CHRM3: variants seen among roughly 807,000 people sequenced by gnomAD.
The protein encoded by CHRM3 is cholinergic receptor muscarinic 3.
CHRM3 carries 11 observed loss-of-function variants against 41.8 expected under a neutral mutation model. That is an observed-to-expected ratio of 0.26 (90% CI 0.17 to 0.44). CHRM3 has a LOEUF of 0.44. CHRM3 is among the 20% of genes least tolerant of loss of function. The pLI, the probability that CHRM3 is intolerant of heterozygous loss-of-function variation, is 1.00. For synonymous variants in CHRM3, 297 were observed against 301.4 expected (o/e 0.99, Z 0.15); for missense variants, 571 against 745.4 (o/e 0.77, Z 2.72).
intron 5 of CHRM3, among the ~76,000 whole-genome samples, chr1:239,755,546 C>T (rs1396355995): frequency 6.6e-6 from 1 of 152,102 alleles, no homozygotes; most frequent in Non-Finnish European, 1.5e-5. Context: ...TTCAGATTGA[C>T]CACAAAAGGA....
chr1:239,826,310 G>A (rs1379401302), intron 5 of CHRM3, among the ~76,000 whole-genome samples: 2 of 152,114 alleles, frequency 1.3e-5, no homozygotes, highest in Non-Finnish European at 2.9e-5. Context: ...TGCATTTTGC[G>A]ATCTTATAGT....
At chr1:239,442,091 G>A (rs752472413) in intron 1 of CHRM3, among the ~76,000 whole-genome samples, 2 of 151,982 alleles carry the variant, frequency 1.3e-5, no homozygotes, top group African/African-American at 2.4e-5. Flanking sequence ...AGGGTTCAGC[G>A]TCAGGAGGTT....
chr1:239,742,148 A>T (rs1034139897), intron 5 of CHRM3, among the ~76,000 whole-genome samples: 3 of 152,046 alleles, frequency 2.0e-5, no homozygotes, highest in Non-Finnish European at 4.4e-5. Flanking sequence ...TACAAAGTCA[A>T]TTTTATAATA....
At chr1:239,461,863 T>C (rs1275210230) in intron 1 of CHRM3, among the ~76,000 whole-genome samples, 3 of 151,968 alleles carry the variant, frequency 2.0e-5, no homozygotes, top group Non-Finnish European at 4.4e-5. Context: ...CTCCTTTCCT[T>C]CATCATCTCC....
At chr1:239,476,968 C>A (rs12136103) in intron 1 of CHRM3, among the ~76,000 whole-genome samples, 26,325 of 152,006 alleles carry the variant, frequency 0.17, 2,578 homozygotes, top group Non-Finnish European at 0.21. Context: ...ACTACAAGGA[C>A]AATATTGGAA....
At chr1:239,589,755 A>C (rs1448018183) in intron 3 of CHRM3, among the ~76,000 whole-genome samples, 1 of 149,318 alleles carries the variant, frequency 6.7e-6, no homozygotes, top group East Asian at 2.0e-4. Context: ...TATCTTTGGC[A>C]AAAAGATGTC....
intron 4 of CHRM3, among the ~76,000 whole-genome samples, chr1:239,669,461 T>C (rs1036352012): frequency 7.2e-5 from 11 of 152,200 alleles, no homozygotes; most frequent in African/African-American, 2.7e-4. Flanking sequence ...AATACTTTGC[T>C]CGATGAAATG....
intron 5 of CHRM3, among the ~76,000 whole-genome samples, chr1:239,779,647 A>T (rs1321861495): frequency 2.6e-5 from 4 of 152,204 alleles, no homozygotes. Context: ...AGCCACAAGA[A>T]TTGCTTGAAC....
rs1558182787 is a variant in CHRM3, at chr1:239,387,677, G to A, written c.-521+450G>A. 6.6e-6 allele frequency among the ~76,000 whole-genome samples: 1 copy of A among 152,142 alleles called. No homozygotes were observed. The highest frequency in any genetic ancestry group is 1.5e-5 in the Non-Finnish European group (1 of 68,034). On this transcript the variant is annotated intron_variant, in intron 1 of 6. Coordinates refer to ENST00000676153, the MANE Select transcript of CHRM3 (RefSeq NM_001375978.1). The surrounding 1 kb of genome is among the most constrained non-coding windows in gnomAD (Gnocchi z 5.1). ...GTTTGTGAGCGCACTCGTGTGTTGA[G>A]CGTTTGTCTCCCATCTCCCCATTTG...
intron 5 of CHRM3, among the ~76,000 whole-genome samples, chr1:239,682,908 T>C (rs190249533): frequency 1.4e-3 from 207 of 152,280 alleles, no homozygotes; most frequent in South Asian, 3.9e-3. Context: ...AAGTGTGATG[T>C]TTGGATACAT....
intron 2 of CHRM3, among the ~76,000 whole-genome samples, chr1:239,544,715 T>C (rs1659119427): frequency 6.6e-6 from 1 of 152,094 alleles, no homozygotes; most frequent in South Asian, 2.1e-4. Flanking sequence ...CAAAGCGAGA[T>C]CTCACTTTAT....
chr1:239,573,393 T>C (rs1034198131), intron 3 of CHRM3, among the ~76,000 whole-genome samples: 1 of 152,178 alleles, frequency 6.6e-6, no homozygotes, highest in Non-Finnish European at 1.5e-5. Context: ...AGTTTAACAT[T>C]GATATGTCCC....
intron 1 of CHRM3, among the ~76,000 whole-genome samples, chr1:239,480,112 A>T (rs955863416): frequency 1.3e-5 from 2 of 152,174 alleles, no homozygotes; most frequent in African/African-American, 4.8e-5. Flanking sequence ...CTAGAATTCT[A>T]CATCTAGAAA....
chr1:239,444,133 C>A (rs938774220), intron 1 of CHRM3, among the ~76,000 whole-genome samples: 2 of 152,080 alleles, frequency 1.3e-5, no homozygotes, highest in Admixed American at 1.3e-4. Flanking sequence ...TTTTAAGGAC[C>A]CTGCCTTAGT....
intron 6 of CHRM3, among the ~76,000 whole-genome samples, chr1:239,863,951 G>T (rs1210722248): frequency 6.6e-6 from 1 of 152,094 alleles, no homozygotes; most frequent in African/African-American, 2.4e-5. Flanking sequence ...GGAATGTAAG[G>T]ATGGTTTGCC....
At chr1:239,750,556 C>G (rs990905244) in intron 5 of CHRM3, among the ~76,000 whole-genome samples, 13 of 152,160 alleles carry the variant, frequency 8.5e-5, no homozygotes, top group African/African-American at 3.1e-4. Context: ...ACAGGTTTCT[C>G]CACTTAGATT....
chr1:239,444,503 G>C (rs1218594408), intron 1 of CHRM3, among the ~76,000 whole-genome samples: 1 of 152,084 alleles, frequency 6.6e-6, no homozygotes, highest in Non-Finnish European at 1.5e-5. Context: ...ACCATTTGAG[G>C]CCCTGCCTGG....
chr1:239,421,477 AT>A (rs1293181399), intron 1 of CHRM3, among the ~76,000 whole-genome samples: 1 of 152,184 alleles, frequency 6.6e-6, no homozygotes, highest in Non-Finnish European at 1.5e-5. Context: ...GTTAATAAAT[AT>A]TTATCACATA....
intron 5 of CHRM3, among the ~76,000 whole-genome samples, chr1:239,774,009 G>A (rs1667895574): frequency 6.6e-6 from 1 of 152,178 alleles, no homozygotes; most frequent in African/African-American, 2.4e-5. Flanking sequence ...GGTACTACCT[G>A]AGATAATTAC....
Sources: allele counts gnomAD v4.1 joint callset (sites outside exome capture counted in the v4.1 genomes callset), GRCh38; gene constraint gnomAD v4.1.1; non-coding constraint Gnocchi (gnomAD v3.1); transcripts MANE v1.5; gene names NCBI Gene and HGNC (gene_info 2026-07-23, HGNC 2026-07-21).